Variants in ZNF749 observed in about 807,000 individuals in gnomAD.
ZNF749 encodes the protein zinc finger protein 749.
Under a neutral mutation model 7.3 loss-of-function variants are expected in ZNF749, and 8 were observed. The observed-to-expected ratio is 1.10, with a 90% confidence interval of 0.64 to 1.98. The LOEUF is 1.98. Among genes scored for constraint, ZNF749 ranks in the 30% most tolerant of loss-of-function variants. The pLI is 0.00. For missense variants in ZNF749, 898 were observed against 932.4 expected (o/e 0.96, Z 0.48); for synonymous variants, 310 against 322.4 (o/e 0.96, Z 0.41).
chr19:57,441,520 G>A (rs1429591556), intron 1 of ZNF749, among the ~76,000 whole-genome samples: 1 of 152,172 alleles, frequency 6.6e-6, no homozygotes, highest in Non-Finnish European at 1.5e-5. Flanking sequence ...TTGGTTAGGA[G>A]GCAGAGGCAT....
chr19:57,432,547 G>A (rs1053512550), upstream of ZNF749, among the ~76,000 whole-genome samples: 2 of 131,892 alleles, frequency 1.5e-5, no homozygotes, highest in African/African-American at 5.7e-5. Context: ...GGGCAACAGA[G>A]TGAGACTCTG....
chr19:57,429,532 A>G, the ZNF749 span, among the ~76,000 whole-genome samples: 1 of 152,190 alleles, frequency 6.6e-6, no homozygotes, highest in Non-Finnish European at 1.5e-5. This position sits in a 1 kb window ranked among gnomAD's most constrained non-coding sequence, Gnocchi z 4.2. Context: ...AGGCTGGAGT[A>G]AGTGGCACAG....
Position 57,444,783 on chromosome 19 carries a change from A to G in ZNF749, c.1635A>G (p.Gln545=), listed in dbSNP as rs745839260. ...DAFSKRSDLI[Q]HKRIDLRPRP... is the part of the protein sequence containing the mutation. ...TTTCAAAAAGGTCTGACCTCATTCA[A>G]CACAAGAGGATTGACCTCAGGCCAA... is the stretch of plus-strand genomic sequence containing the variant. Residue 545 remains glutamine (Q), a synonymous_variant, in exon 3 of 3, where the codon CAA becomes CAG. Transcript: ENST00000334181. 32 of 1,614,012 alleles carry G rather than the reference A, an allele frequency of 2.0e-5. 1 individual carries two copies. The South Asian group carries it at 3.0e-4, about 15-fold the overall frequency.
intron 1 of ZNF749, chr19:57,435,804 G>C (rs546760120): frequency 1.6e-5 from 17 of 1,032,496 alleles, no homozygotes; most frequent in Non-Finnish European, 8.2e-6. Context: ...CAGAACGGGC[G>C]GCACTGGGGA....
Position 57,443,281 on chromosome 19 carries a change from G to A in ZNF749, c.143-10G>A, listed in dbSNP as rs779578312. On this transcript the variant is annotated splice_polypyrimidine_tract_variant and intron_variant, in intron 2 of 2. Transcript: ENST00000334181. Reference sequence around the variant, plus strand: ...TCACGTGCACTTCACCAGCATTTCTGTTCTTACAGGTTGTTGGCATGGAGC... The same window carrying A: ...TCACGTGCACTTCACCAGCATTTCTATTCTTACAGGTTGTTGGCATGGAGC... 1.9e-6 allele frequency: 3 copies of A among 1,584,648 alleles called. No homozygotes were observed. The highest frequency in any genetic ancestry group is 1.3e-5 in the African/African-American group (1 of 74,472).
Position 57,444,261 on chromosome 19 carries a change from A to G in ZNF749, c.1113A>G (p.Arg371=). 6.2e-7 allele frequency: 1 copy of G among 1,614,166 alleles called. No individual in the cohort carries two copies. The highest frequency in any genetic ancestry group is 1.1e-5 in the South Asian group (1 of 91,076). ...TTATGGACAGCTTCACACTCGGTAG[A>G]CATCAGAGAGTTCATACTGGAGAAA... ...KLFMDSFTLG[R]HQRVHTGERP... is the part of the protein sequence containing the mutation. The change falls in exon 3 of 3, where the codon AGA becomes AGG. Residue 371 remains arginine (R), a synonymous_variant. Coordinates refer to ENST00000334181, the MANE Select transcript of ZNF749 (RefSeq NM_001023561.4).
upstream of ZNF749, among the ~76,000 whole-genome samples, chr19:57,434,632 T>C (rs757663353): frequency 3.9e-5 from 6 of 152,310 alleles, no homozygotes; most frequent in Non-Finnish European, 7.3e-5. Context: ...CCTGGGCATA[T>C]GTTCTTAGGA....
upstream of ZNF749, among the ~76,000 whole-genome samples, chr19:57,430,769 C>T (rs988899278): frequency 6.6e-5 from 10 of 152,216 alleles, no homozygotes; most frequent in East Asian, 9.7e-4. Context: ...AGGCAGGGTA[C>T]GGTGGCTCAC....
rs952114317 is a variant in ZNF749, at chr19:57,435,602, A to G, written c.15+9A>G. The G allele has an allele frequency of 6.2e-7, 1 of 1,605,080 alleles. No individual in the cohort carries two copies. Among genetic ancestry groups the G allele is most frequent in the South Asian group, 1.1e-5 (1 of 89,344 alleles). On this transcript the variant is annotated intron_variant, in intron 1 of 2. Coordinates refer to ENST00000334181, the MANE Select transcript of ZNF749 (RefSeq NM_001023561.4). ...CGATGAACCTGACCGAGGTGCGTGC[A>G]GCGTCCCAGGCCGCCCCGCCCAACC...
At chr19:57,433,292 G>A (rs1020998038), upstream of ZNF749, among the ~76,000 whole-genome samples, 10 of 152,148 alleles carry the variant, frequency 6.6e-5, no homozygotes, top group South Asian at 2.1e-4. Flanking sequence ...CATTTTAAGC[G>A]AGTTGTTATG....
Position 57,443,943 on chromosome 19 carries a change from C to A in ZNF749, c.795C>A (p.Ser265=). The part of the protein sequence containing the change: ...TEYGKTFIRK[S]NLVQHQKIHS... ...ATGGAAAGACCTTTATTAGAAAGTC[C>A]AACCTAGTTCAGCACCAGAAAATTC... The change falls in exon 3 of 3, where the codon TCC becomes TCA. Residue 265 remains serine (S), a synonymous_variant. Coordinates refer to ENST00000334181, the MANE Select transcript of ZNF749 (RefSeq NM_001023561.4). 9 of 1,613,818 alleles carry A rather than the reference C, an allele frequency of 5.6e-6. No individual in the cohort carries two copies. The highest frequency in any genetic ancestry group is 5.9e-6 in the Non-Finnish European group (7 of 1,179,858).
Position 57,442,145 on chromosome 19 carries a change from G to A in ZNF749, c.142+134G>A. Reference sequence around the variant, plus strand: ...CCTCTCCTGGTTTCCTGGCAAATGTGATAAGGCAGCCAGAGCTGGGCTGTG... The same window carrying A: ...CCTCTCCTGGTTTCCTGGCAAATGTAATAAGGCAGCCAGAGCTGGGCTGTG... On this transcript the variant is annotated intron_variant, in intron 2 of 2. Transcript: ENST00000334181. The surrounding 1 kb of genome is among the most constrained non-coding windows in gnomAD (Gnocchi z 6.6). The A allele has an allele frequency of 8.2e-7, 1 of 1,220,554 alleles. No individual in the cohort carries two copies. 75.6% of individuals were successfully genotyped at this position (1,220,554 alleles called of 1,614,324 possible). A position where few individuals can be genotyped will look rare whatever the true frequency, so the allele number is the denominator to read the frequency against.
rs573933087 is a variant in ZNF749 at position 57,442,279 on chromosome 19, G to A, written c.142+268G>A. 3.4e-4 allele frequency among the ~76,000 whole-genome samples: 52 copies of A among 152,256 alleles called. No individual in the cohort carries two copies. The highest frequency in any genetic ancestry group is 5.1e-4 in the Non-Finnish European group (35 of 68,012). ...TCAGGTTTCTTTAAGATATCCTAAT[G>A]GCGGTGCCTGTCCCTGGTTTGATTA... On this transcript the variant is annotated intron_variant, in intron 2 of 2. Coordinates refer to ENST00000334181, the MANE Select transcript of ZNF749 (RefSeq NM_001023561.4). This position sits in a 1 kb window ranked among gnomAD's most constrained non-coding sequence, Gnocchi z 6.6.
chr19:57,439,438 T>G lies in ZNF749; in HGVS notation c.16-2447T>G, dbSNP rs1304971361. Among the ~76,000 whole-genome samples the G allele has an allele frequency of 6.6e-6, 1 of 152,158 alleles. No homozygotes were observed. The highest frequency in any genetic ancestry group is 6.5e-5 in the Admixed American group (1 of 15,272). The stretch of plus-strand genomic sequence containing the variant: ...AGTTCTGTAGTAGGGGGAGTGTTTA[T>G]ATAGTAGAGCATATGAGGAACCAAG... On this transcript the variant is annotated intron_variant, in intron 1 of 2. Coordinates refer to ENST00000334181, the MANE Select transcript of ZNF749 (RefSeq NM_001023561.4). This position sits in a 1 kb window ranked among gnomAD's most constrained non-coding sequence, Gnocchi z 4.3.
upstream of ZNF749, among the ~76,000 whole-genome samples, chr19:57,431,988 ATT>A (rs1283632787): frequency 1.3e-5 from 2 of 151,816 alleles, no homozygotes; most frequent in African/African-American, 2.4e-5. Context: ...CCAATTTTGT[ATT>A]TTTTAGTAAA....
rs531876470 is a variant in ZNF749 at position 57,442,183 on chromosome 19, C to G, written c.142+172C>G. Among the ~76,000 whole-genome samples the G allele has an allele frequency of 6.6e-6, 1 of 152,310 alleles. No homozygotes were observed. Among genetic ancestry groups the G allele is most frequent in the Admixed American group, 6.5e-5 (1 of 15,298 alleles). ...GAGCTGGGCTGTGTATACTGTACCACCTCCCCTTAAGCAGCCCCAGCTTCT... is the reference window on the plus strand; with the variant it reads ...GAGCTGGGCTGTGTATACTGTACCAGCTCCCCTTAAGCAGCCCCAGCTTCT... On this transcript the variant is annotated intron_variant, in intron 2 of 2. Coordinates refer to ENST00000334181, the MANE Select transcript of ZNF749 (RefSeq NM_001023561.4). The surrounding 1 kb of genome is among the most constrained non-coding windows in gnomAD (Gnocchi z 6.6).
rs1325998395 is a variant in ZNF749, at chr19:57,441,947, T to A, written c.78T>A (p.Asn26Lys). 6.2e-7 allele frequency: 1 copy of A among 1,614,212 alleles called. No homozygotes were observed. Among genetic ancestry groups the A allele is most frequent in the South Asian group, 1.1e-5 (1 of 91,088 alleles). The change falls in exon 2 of 3, where the codon AAT (asparagine) becomes AAA (lysine). Residue 26 changes from asparagine (N) to lysine (K), a missense_variant. By Grantham distance (94) the Asn-to-Lys change is moderately conservative. Transcript: ENST00000334181. ...YFSQEEWGIL[N>K]DAQRHLHSNV... Reference sequence around the variant, plus strand: ...CCCAAGAGGAATGGGGGATCCTTAATGATGCTCAGAGACACCTGCACAGCA... The same window carrying A: ...CCCAAGAGGAATGGGGGATCCTTAAAGATGCTCAGAGACACCTGCACAGCA...
rs1039372813 is a variant in ZNF749, at chr19:57,446,576, G to A, written c.*1091G>A. Among the ~76,000 whole-genome samples the A allele has an allele frequency of 1.3e-5, 2 of 152,176 alleles. No homozygotes were observed. Among genetic ancestry groups the A allele is most frequent in the African/African-American group, 2.4e-5 (1 of 41,434 alleles). ...CTAAATGTCTTCAAGGTTTATCCATGTTGTAGCATAGCTTATGATTTTCAT... is the reference window on the plus strand; with the variant it reads ...CTAAATGTCTTCAAGGTTTATCCATATTGTAGCATAGCTTATGATTTTCAT... On this transcript the variant is annotated 3_prime_UTR_variant, in exon 3 of 3. Coordinates refer to ENST00000334181, the MANE Select transcript of ZNF749 (RefSeq NM_001023561.4).
rs552970122 is a variant in ZNF749 at position 57,436,940 on chromosome 19, A to G, written c.15+1347A>G. ...ATGTTGATGATAGCCATCTGGGACC[A>G]TAGATTCAAGTTGTCCTGAATATAC... On this transcript the variant is annotated intron_variant, in intron 1 of 2. Transcript: ENST00000334181. The surrounding 1 kb of genome is among the most constrained non-coding windows in gnomAD (Gnocchi z 4.0). 3.2e-4 allele frequency among the ~76,000 whole-genome samples: 48 copies of G among 152,348 alleles called. No homozygotes were observed. Among genetic ancestry groups the G allele is most frequent in the Middle Eastern group, 6.8e-3 (2 of 294 alleles).
Sources: allele counts gnomAD v4.1 joint callset (sites outside exome capture counted in the v4.1 genomes callset), GRCh38; gene constraint gnomAD v4.1.1; non-coding constraint Gnocchi (gnomAD v3.1); transcripts MANE v1.5; gene names NCBI Gene and HGNC (gene_info 2026-07-23, HGNC 2026-07-21).